Variants in NTN1 observed in about 807,000 individuals in gnomAD.
The protein encoded by NTN1 is netrin-1.
Under a neutral mutation model 54.2 loss-of-function variants are expected in NTN1, and 11 were observed. That is an observed-to-expected ratio of 0.20 (90% CI 0.13 to 0.34). The LOEUF is 0.34. NTN1 is among the 10% of genes least tolerant of loss of function. The probability of loss-of-function intolerance (pLI) is 1.00; values close to 1 mark genes in which losing one functional copy is unlikely to be tolerated. For missense variants in NTN1, 740 were observed against 893.1 expected (o/e 0.83, Z 2.18); for synonymous variants, 371 against 382.0 (o/e 0.97, Z 0.33).
intron 2 of NTN1, among the ~76,000 whole-genome samples, chr17:9,068,957 C>G (rs2092024393): frequency 6.6e-6 from 1 of 152,142 alleles, no homozygotes; most frequent in Non-Finnish European, 1.5e-5. Context: ...TACAGACTGA[C>G]CCACGGCTCT....
upstream of NTN1, among the ~76,000 whole-genome samples, chr17:9,018,105 C>A (rs540219673): frequency 6.6e-6 from 1 of 152,020 alleles, no homozygotes; most frequent in Non-Finnish European, 1.5e-5. Context: ...GGAGTTCCAC[C>A]GTATTACAGG....
intron 2 of NTN1, among the ~76,000 whole-genome samples, chr17:9,120,823 C>G (rs765901527): frequency 2.0e-5 from 3 of 152,170 alleles, no homozygotes; most frequent in African/African-American, 7.2e-5. Flanking sequence ...TGCTTGCTAC[C>G]CAGGTGGCCA....
chr17:9,094,815 C>A (rs538951075), intron 2 of NTN1, among the ~76,000 whole-genome samples: 1 of 151,982 alleles, frequency 6.6e-6, no homozygotes, highest in South Asian at 2.1e-4. Flanking sequence ...ATGGTGAAAC[C>A]CCGTCTCTAC....
At chr17:9,150,719 C>T (rs2092324922) in intron 2 of NTN1, among the ~76,000 whole-genome samples, 2 of 151,768 alleles carry the variant, frequency 1.3e-5, no homozygotes, top group Admixed American at 6.6e-5. Context: ...GGGATTGTTT[C>T]AAAGCCTTAG....
At chr17:9,151,899 C>T (rs1597507308) in intron 2 of NTN1, among the ~76,000 whole-genome samples, 1 of 152,254 alleles carries the variant, frequency 6.6e-6, no homozygotes, top group East Asian at 1.9e-4. Context: ...CACCAATCAG[C>T]ACTCTGTAAA....
At chr17:9,145,802 C>T (rs1194149900) in intron 2 of NTN1, among the ~76,000 whole-genome samples, 1 of 151,512 alleles carries the variant, frequency 6.6e-6, no homozygotes, top group Non-Finnish European at 1.5e-5. Flanking sequence ...CCTGTAGTCC[C>T]AGCTACTTGG....
intron 5 of NTN1, among the ~76,000 whole-genome samples, chr17:9,213,474 G>A (rs561277623): frequency 3.4e-4 from 52 of 152,360 alleles, no homozygotes; most frequent in Admixed American, 2.6e-4. Flanking sequence ...TCCTGGCAGG[G>A]TGGATGGGGT....
intron 3 of NTN1, among the ~76,000 whole-genome samples, chr17:9,166,155 A>T (rs1361633369): frequency 1.8e-3 from 7 of 3,876 alleles, no homozygotes; most frequent in African/African-American, 5.4e-3. Context: ...CCCTTCCACC[A>T]CCACCACCAC....
chr17:9,232,474 G>A (rs1462634785), intron 6 of NTN1, among the ~76,000 whole-genome samples: 1 of 151,276 alleles, frequency 6.6e-6, no homozygotes, highest in Non-Finnish European at 1.5e-5. Context: ...CCTAGCAGGG[G>A]AAACTGAGGC....
intron 6 of NTN1, among the ~76,000 whole-genome samples, chr17:9,229,841 G>A (rs931133275): frequency 4.6e-5 from 7 of 152,188 alleles, no homozygotes; most frequent in Admixed American, 1.3e-4. Context: ...AATGGAGGCA[G>A]GCATAGAGAA....
At chr17:9,172,985 C>T (rs1417744680) in intron 3 of NTN1, 1 of 151,596 alleles carries the variant, frequency 6.6e-6, no homozygotes, top group East Asian at 1.9e-4. Flanking sequence ...GAATTTTACT[C>T]TATGCAAATT....
chr17:9,236,237 G>A (rs530081972), intron 6 of NTN1, among the ~76,000 whole-genome samples: 1 of 152,296 alleles, frequency 6.6e-6, no homozygotes, highest in South Asian at 2.1e-4. Flanking sequence ...AAGCCCCCTG[G>A]TTGGGTGACA....
At chr17:9,128,995 G>A (rs2092255453) in intron 2 of NTN1, among the ~76,000 whole-genome samples, 1 of 152,116 alleles carries the variant, frequency 6.6e-6, no homozygotes, top group Admixed American at 6.5e-5. Context: ...CCCAAGGCTG[G>A]GCCTGCGTTT....
chr17:9,083,923 G>T (rs554998035), intron 2 of NTN1, among the ~76,000 whole-genome samples: 1 of 152,300 alleles, frequency 6.6e-6, no homozygotes, highest in East Asian at 1.9e-4. Flanking sequence ...TTGCTTCTGG[G>T]CTCTGGCCTT....
chr17:9,050,259 AAAAATAAAAAT>A (rs1294139860), intron 2 of NTN1, among the ~76,000 whole-genome samples: 2 of 151,552 alleles, frequency 1.3e-5, no homozygotes, highest in Non-Finnish European at 2.9e-5. Context: ...AAAAATAAAA[AAAAATAAAAAT>A]AAAATAAAAA....
At chr17:9,188,092 A>C (rs959270425) in intron 5 of NTN1, among the ~76,000 whole-genome samples, 32 of 152,204 alleles carry the variant, frequency 2.1e-4, no homozygotes, top group African/African-American at 6.8e-4. Context: ...TGAGTTGTAC[A>C]ATGTTGTGAA....
At chr17:9,138,680 CAG>C (rs1452613670) in intron 2 of NTN1, among the ~76,000 whole-genome samples, 1 of 152,114 alleles carries the variant, frequency 6.6e-6, no homozygotes, top group Non-Finnish European at 1.5e-5. Context: ...GTGGGGCAGA[CAG>C]GGGAGTCAAA....
intron 2 of NTN1, among the ~76,000 whole-genome samples, chr17:9,111,418 G>GGT (rs1021374559): frequency 1.3e-5 from 2 of 152,160 alleles, no homozygotes; most frequent in Non-Finnish European, 2.9e-5. Flanking sequence ...GTGAAGTGTA[G>GGT]GTGTGTGTGG....
chr17:9,120,210 G>A (rs549778716), intron 2 of NTN1, among the ~76,000 whole-genome samples: 3 of 151,834 alleles, frequency 2.0e-5, no homozygotes, highest in South Asian at 2.1e-4. Context: ...GCATGAACCC[G>A]GGAGGCAGAG....
Sources: gnomAD v4.1 joint callset for allele counts (sites outside exome capture counted in the v4.1 genomes callset) on GRCh38, gnomAD v4.1.1 for gene constraint, MANE v1.5 for transcripts, NCBI Gene and HGNC (gene_info 2026-07-23, HGNC 2026-07-21) for gene names.